Variants in CTNNA3 observed in about 807,000 individuals in gnomAD.
CTNNA3 encodes the protein catenin alpha-3.
Under a neutral mutation model 95.7 loss-of-function variants are expected in CTNNA3, and 76 were observed. The ratio of observed to expected loss-of-function variants is 0.79; its 90% confidence interval spans 0.66 to 0.96. The LOEUF (loss-of-function observed/expected upper bound fraction) is 0.96. CTNNA3 is among the 40% of genes least tolerant of loss of function. The probability of loss-of-function intolerance (pLI) is 0.00; values close to 1 mark genes in which losing one functional copy is unlikely to be tolerated. For synonymous variants in CTNNA3, 431 were observed against 374.4 expected, an observed-to-expected ratio of 1.15 and a Z score of -1.74; for missense variants, 1,191 against 1,089.8, an observed-to-expected ratio of 1.09 and a Z score of -1.31.
intron 1 of CTNNA3, among the ~76,000 whole-genome samples, chr10:67,721,711 G>T (rs1189483211): frequency 6.6e-6 from 1 of 152,124 alleles, no homozygotes; most frequent in Non-Finnish European, 1.5e-5. Flanking sequence ...CTGGCGAGGA[G>T]TTGTGATCCT....
intron 10 of CTNNA3, among the ~76,000 whole-genome samples, chr10:66,549,629 G>T (rs1842153283): frequency 6.6e-6 from 1 of 152,098 alleles, no homozygotes; most frequent in African/African-American, 2.4e-5. Context: ...CTATGAATTT[G>T]CTGCTAAGCA....
chr10:66,599,884 AGT>A (rs1337871740), intron 10 of CTNNA3, among the ~76,000 whole-genome samples: 4 of 152,118 alleles, frequency 2.6e-5, no homozygotes, highest in African/African-American at 9.6e-5. Context: ...AGACAGAGTA[AGT>A]GTACATTCTC....
At chr10:66,711,743 G>T (rs1848303543) in intron 9 of CTNNA3, among the ~76,000 whole-genome samples, 1 of 151,822 alleles carries the variant, frequency 6.6e-6, no homozygotes. Flanking sequence ...TAGAGACAGG[G>T]TTTCACCATG....
chr10:66,120,640 G>A (rs1210470922), intron 13 of CTNNA3, among the ~76,000 whole-genome samples: 1 of 152,072 alleles, frequency 6.6e-6, no homozygotes, highest in Non-Finnish European at 1.5e-5. Context: ...GAGAACAGCT[G>A]CTAACACAAT....
At chr10:67,131,244 C>A (rs534510858) in intron 7 of CTNNA3, among the ~76,000 whole-genome samples, 28 of 151,980 alleles carry the variant, frequency 1.8e-4, no homozygotes, top group Admixed American at 4.6e-4. Flanking sequence ...TTTGGTGTTT[C>A]CATTGTATTC....
intron 5 of CTNNA3, among the ~76,000 whole-genome samples, chr10:67,419,528 T>A (rs1845671128): frequency 6.6e-6 from 1 of 152,126 alleles, no homozygotes; most frequent in Non-Finnish European, 1.5e-5. Flanking sequence ...CCTCTAGTAA[T>A]CTATACAGTG....
At chr10:67,098,766 G>A (rs923940161) in intron 7 of CTNNA3, 5 of 152,066 alleles carry the variant, frequency 3.3e-5, no homozygotes, top group African/African-American at 1.2e-4. Flanking sequence ...TCAGGCCAAG[G>A]TGGGAGTATA....
At chr10:67,726,458 G>GATATATAATATATAATATTATATATA (rs1841222486) in intron 1 of CTNNA3, among the ~76,000 whole-genome samples, 1 of 13,622 alleles carries the variant, frequency 7.3e-5, no homozygotes, top group South Asian at 3.6e-3. Flanking sequence ...TATTATATAT[G>GATATATAATATATAATATTATATATA]ATATATGATA....
chr10:66,294,344 G>A (rs1420486178), intron 12 of CTNNA3, among the ~76,000 whole-genome samples: 1 of 152,144 alleles, frequency 6.6e-6, no homozygotes, highest in African/African-American at 2.4e-5. Flanking sequence ...AGAAGAAGGA[G>A]GGGGTGAGGA....
chr10:67,467,397 A>G (rs1485891779), intron 5 of CTNNA3, among the ~76,000 whole-genome samples: 2 of 152,144 alleles, frequency 1.3e-5, no homozygotes, highest in Non-Finnish European at 2.9e-5. Context: ...GGATGATCTT[A>G]GTCCTTCACA....
intron 7 of CTNNA3, among the ~76,000 whole-genome samples, chr10:66,964,043 G>T (rs1485580795): frequency 6.6e-6 from 1 of 151,716 alleles, no homozygotes; most frequent in East Asian, 1.9e-4. Flanking sequence ...GTAGTGATGG[G>T]TTTTCACCAT....
At chr10:67,399,414 A>G (rs1261218693) in intron 5 of CTNNA3, among the ~76,000 whole-genome samples, 1 of 152,164 alleles carries the variant, frequency 6.6e-6, no homozygotes, top group African/African-American at 2.4e-5. Flanking sequence ...TCTCATCAAA[A>G]TTGTAAATCA....
chr10:67,343,991 T>C (rs955523352), intron 5 of CTNNA3, among the ~76,000 whole-genome samples: 1 of 150,028 alleles, frequency 6.7e-6, no homozygotes, highest in African/African-American at 2.4e-5. Context: ...TTTTATTATG[T>C]TGAAGTATGC....
At chr10:67,648,414 G>A (rs181517283) in intron 1 of CTNNA3, among the ~76,000 whole-genome samples, 34 of 152,274 alleles carry the variant, frequency 2.2e-4, no homozygotes, top group Admixed American at 1.8e-3. Context: ...CACACTTCCT[G>A]AAATGTAGCA....
chr10:66,962,031 G>T (rs1384184921), intron 7 of CTNNA3, among the ~76,000 whole-genome samples: 2 of 152,118 alleles, frequency 1.3e-5, no homozygotes, highest in Non-Finnish European at 2.9e-5. Flanking sequence ...CCACTACTCT[G>T]GTTTAAGCCA....
chr10:66,968,930 T>C (rs1455769001), intron 7 of CTNNA3, among the ~76,000 whole-genome samples: 3 of 151,890 alleles, frequency 2.0e-5, no homozygotes, highest in Admixed American at 6.6e-5. Flanking sequence ...GGCAGGAGAA[T>C]TGCTTGAACC....
At chr10:66,382,615 G>A (rs929333104) in intron 11 of CTNNA3, among the ~76,000 whole-genome samples, 27 of 152,312 alleles carry the variant, frequency 1.8e-4, no homozygotes, top group Admixed American at 1.6e-3. Flanking sequence ...CTCTGAGAAT[G>A]GACAGACTGC....
intron 5 of CTNNA3, among the ~76,000 whole-genome samples, chr10:67,387,853 T>C (rs931858736): frequency 2.0e-5 from 3 of 152,164 alleles, no homozygotes; most frequent in Admixed American, 6.5e-5. Context: ...GAGGGTCCTG[T>C]CTGTTAGAAG....
At chr10:66,398,904 T>C (rs2092999785) in intron 11 of CTNNA3, among the ~76,000 whole-genome samples, 1 of 152,042 alleles carries the variant, frequency 6.6e-6, no homozygotes, top group Non-Finnish European at 1.5e-5. Context: ...GGCCATTCCT[T>C]GCATTTAAGC....
Sources: allele counts gnomAD v4.1 joint callset (sites outside exome capture counted in the v4.1 genomes callset), GRCh38; gene constraint gnomAD v4.1.1; transcripts MANE v1.5; gene names NCBI Gene and HGNC (gene_info 2026-07-23, HGNC 2026-07-21).